The following SCFD2 variants were observed in gnomAD, a reference collection of about 807,000 sequenced individuals.
SCFD2 encodes sec1 family domain-containing protein 2.
Under a neutral mutation model 58.9 loss-of-function variants are expected in SCFD2, and 54 were observed. That is an observed-to-expected ratio of 0.92 (90% confidence interval 0.74 to 1.15). The LOEUF is 1.15. Ranked by LOEUF, SCFD2 falls within the 50% of genes most tolerant of loss-of-function variation. The probability of loss-of-function intolerance (pLI) is 0.00; values close to 1 mark genes in which losing one functional copy is unlikely to be tolerated. For missense variants in SCFD2, 805 were observed against 836.6 expected (o/e 0.96, Z 0.47); for synonymous variants, 321 against 335.9 (o/e 0.96, Z 0.49).
At chr4:53,094,564 G>C (rs1315170033) in intron 5 of SCFD2, among the ~76,000 whole-genome samples, 10 of 151,994 alleles carry the variant, frequency 6.6e-5, no homozygotes, top group Admixed American at 5.9e-4. Flanking sequence ...GGTACTGAGG[G>C]TGAGGACTTT....
chr4:52,926,387 CACAG>C (rs1268473574), intron 5 of SCFD2, among the ~76,000 whole-genome samples: 11 of 152,152 alleles, frequency 7.2e-5, no homozygotes, highest in African/African-American at 2.4e-4. Context: ...CAAATACACA[CACAG>C]ACACACACAC....
rs74931823 is a variant in SCFD2, at chr4:52,873,770, CT to C, written c.*198del. The C allele has an allele frequency of 0.15, 50,453 of 328,814 alleles. 9 individuals carry two copies. Among genetic ancestry groups the C allele is most frequent in the Middle Eastern group, 0.19 (227 of 1,174 alleles). 20.4% of individuals were successfully genotyped at this position (328,814 alleles called of 1,614,324 possible). A position where few individuals can be genotyped will look rare whatever the true frequency, so the allele number is the denominator to read the frequency against. On this transcript the variant is annotated 3_prime_UTR_variant, in exon 9 of 9. Coordinates refer to ENST00000401642, the MANE Select transcript of SCFD2 (RefSeq NM_152540.4). ...TGTCGCCTTCAGGAAAATAAAAAAACTTTTTTTTTTTTTTTTTAAGAATCAC... is the reference window on the plus strand; with the variant it reads ...TGTCGCCTTCAGGAAAATAAAAAAACTTTTTTTTTTTTTTTTAAGAATCAC...
intron 2 of SCFD2, among the ~76,000 whole-genome samples, chr4:53,329,741 T>C (rs1275540578): frequency 2.6e-5 from 4 of 151,906 alleles, no homozygotes; most frequent in East Asian, 1.9e-4. Context: ...CAAAGCTGGA[T>C]GGAGAATGAC....
At chr4:53,127,547 A>G (rs936437905) in intron 5 of SCFD2, among the ~76,000 whole-genome samples, 1 of 152,204 alleles carries the variant, frequency 6.6e-6, no homozygotes, top group Non-Finnish European at 1.5e-5. Flanking sequence ...TGTTCACTTT[A>G]CGACACACAA....
intron 5 of SCFD2, among the ~76,000 whole-genome samples, chr4:53,127,667 C>T (rs1725666813): frequency 6.6e-6 from 1 of 152,104 alleles, no homozygotes; most frequent in Non-Finnish European, 1.5e-5. Context: ...GAATCAGTTG[C>T]AGAGAACTGC....
chr4:53,007,595 T>C (rs894361719), intron 5 of SCFD2, among the ~76,000 whole-genome samples: 2 of 152,148 alleles, frequency 1.3e-5, no homozygotes, highest in African/African-American at 4.8e-5. Context: ...TGGGGCAATC[T>C]ACCTCACTTC....
intron 5 of SCFD2, among the ~76,000 whole-genome samples, chr4:53,132,513 A>G (rs1725813354): frequency 6.6e-6 from 1 of 152,234 alleles, no homozygotes; most frequent in South Asian, 2.1e-4. Context: ...ACTAGAAATG[A>G]AGATGTATTC....
intron 5 of SCFD2, among the ~76,000 whole-genome samples, chr4:52,953,143 T>A (rs1720638711): frequency 6.6e-6 from 1 of 152,206 alleles, no homozygotes; most frequent in Admixed American, 6.5e-5. Context: ...CTGGTACTAC[T>A]CGGTGCATTA....
At chr4:53,222,899 C>G (rs1355790594) in intron 4 of SCFD2, among the ~76,000 whole-genome samples, 1 of 152,152 alleles carries the variant, frequency 6.6e-6, no homozygotes, top group Non-Finnish European at 1.5e-5. Flanking sequence ...CAGGCATAGG[C>G]AGTAGCAGAT....
In SCFD2 at chr4:52,968,884, C is replaced by T. The variant is rs147272646; in HGVS notation, c.1562-48014G>A. ...GACAAAGATTCTCTGCTTGGCCAAACGCCAGTTAGGCTTCTGAATCCTCTG... is the reference window on the plus strand; with the variant it reads ...GACAAAGATTCTCTGCTTGGCCAAATGCCAGTTAGGCTTCTGAATCCTCTG... On this transcript the variant is annotated intron_variant, in intron 5 of 8. Coordinates refer to ENST00000401642, the MANE Select transcript of SCFD2 (RefSeq NM_152540.4). Among the ~76,000 whole-genome samples, 620 of 152,278 alleles carry T rather than the reference C, an allele frequency of 4.1e-3. 5 individuals are homozygous for T. Among genetic ancestry groups the T allele is most frequent in the African/African-American group, 6.6e-3 (274 of 41,546 alleles).
intron 2 of SCFD2, among the ~76,000 whole-genome samples, chr4:53,342,838 C>T (rs926742990): frequency 1.4e-4 from 22 of 152,158 alleles, no homozygotes; most frequent in Admixed American, 4.6e-4. Context: ...GGAAACTGAA[C>T]AACCTGCTCC....
chr4:53,166,487 T>A (rs1216533618), intron 4 of SCFD2, among the ~76,000 whole-genome samples: 1 of 152,072 alleles, frequency 6.6e-6, no homozygotes, highest in African/African-American at 2.4e-5. Flanking sequence ...TGGACCTGCC[T>A]TATAAGGAGG....
At chr4:53,303,554 G>C (rs1732406376) in intron 3 of SCFD2, among the ~76,000 whole-genome samples, 1 of 152,130 alleles carries the variant, frequency 6.6e-6, no homozygotes, top group African/African-American at 2.4e-5. Flanking sequence ...CGATTCCTCA[G>C]GGATCTAGAA....
chr4:53,186,359 C>T (rs1380174926), intron 4 of SCFD2, among the ~76,000 whole-genome samples: 1 of 152,058 alleles, frequency 6.6e-6, no homozygotes, highest in East Asian at 1.9e-4. Flanking sequence ...GCTTCTCTTT[C>T]TTGTCATTAC....
At chr4:53,141,178 T>C (rs1037175443) in intron 5 of SCFD2, among the ~76,000 whole-genome samples, 7 of 152,210 alleles carry the variant, frequency 4.6e-5, no homozygotes, top group African/African-American at 1.7e-4. Context: ...TAAGCCACTT[T>C]ACACAAAAAA....
At chr4:53,074,433 C>T (rs958913147) in intron 5 of SCFD2, among the ~76,000 whole-genome samples, 2 of 152,106 alleles carry the variant, frequency 1.3e-5, no homozygotes, top group Admixed American at 6.6e-5. Flanking sequence ...TTCACCTCCT[C>T]CCATGAATCA....
At chr4:53,113,064 C>T (rs1435824998) in intron 5 of SCFD2, among the ~76,000 whole-genome samples, 1 of 152,224 alleles carries the variant, frequency 6.6e-6, no homozygotes, top group East Asian at 1.9e-4. Flanking sequence ...TCTGTTTACT[C>T]TACCACGTTA....
chr4:53,078,758 A>G (rs184163212), intron 5 of SCFD2, among the ~76,000 whole-genome samples: 2 of 152,312 alleles, frequency 1.3e-5, no homozygotes, highest in Admixed American at 1.3e-4. Flanking sequence ...TCTGATTCCA[A>G]TATCCATGGT....
intron 3 of SCFD2, among the ~76,000 whole-genome samples, chr4:53,292,948 C>G (rs56056061): frequency 0.72 from 109,836 of 151,950 alleles, 39,917 homozygotes; most frequent in Middle Eastern, 0.8. Flanking sequence ...AAGACAAATT[C>G]ATAGGTGGAG....
Sources: gnomAD v4.1 joint callset for allele counts (sites outside exome capture counted in the v4.1 genomes callset) on GRCh38, gnomAD v4.1.1 for gene constraint, MANE v1.5 for transcripts, NCBI Gene and HGNC (gene_info 2026-07-23, HGNC 2026-07-21) for gene names.